Variants in PTPRE observed in about 807,000 individuals in gnomAD.
PTPRE encodes receptor-type tyrosine-protein phosphatase epsilon.
A neutral mutation model predicts 102.0 loss-of-function variants in PTPRE; 51 were observed. The ratio of observed to expected loss-of-function variants is 0.50; its 90% CI spans 0.40 to 0.63. The LOEUF (loss-of-function observed/expected upper bound fraction) is 0.63, where lower values mean the gene tolerates loss of function less well. Ranked by LOEUF, PTPRE falls within the 30% of genes least tolerant of loss-of-function variation. PTPRE has a pLI of 0.00. For synonymous variants in PTPRE, 345 were observed against 348.2 expected (o/e 0.99, Z 0.10); for missense variants, 752 against 915.1 (o/e 0.82, Z 2.30).
chr10:127,934,230 G>A (rs932060602), intron 1 of PTPRE: 66 of 152,134 alleles, frequency 4.3e-4, no homozygotes, highest in Non-Finnish European at 5.9e-5. Flanking sequence ...CACCAACCAT[G>A]TCTGCAGAGG....
At chr10:127,983,691 A>C (rs372288723) in intron 2 of PTPRE, among the ~76,000 whole-genome samples, 1 of 152,310 alleles carries the variant, frequency 6.6e-6, no homozygotes, top group East Asian at 1.9e-4. Flanking sequence ...GGCTCAGATT[A>C]TGATTTGTTA....
chr10:127,913,617 T>C (rs529397559), intron 1 of PTPRE, among the ~76,000 whole-genome samples: 2 of 152,198 alleles, frequency 1.3e-5, no homozygotes, highest in Non-Finnish European at 2.9e-5. Flanking sequence ...ACTGGTTTGC[T>C]GTCCACAGGC....
At chr10:127,943,784 G>A (rs1460046370) in intron 1 of PTPRE, among the ~76,000 whole-genome samples, 1 of 152,190 alleles carries the variant, frequency 6.6e-6, no homozygotes, top group Non-Finnish European at 1.5e-5. Flanking sequence ...GACCTTCCCA[G>A]CCTCACATTT....
intron 1 of PTPRE, among the ~76,000 whole-genome samples, chr10:127,979,141 G>A (rs1018245925): frequency 1.3e-5 from 2 of 152,212 alleles, no homozygotes; most frequent in Non-Finnish European, 1.5e-5. Flanking sequence ...TCCACAGCCC[G>A]AGAAATCTAA....
At chr10:128,042,922 T>C (rs1340376200) in intron 3 of PTPRE, among the ~76,000 whole-genome samples, 1 of 152,258 alleles carries the variant, frequency 6.6e-6, no homozygotes, top group African/African-American at 2.4e-5. Flanking sequence ...TATGTTTCAC[T>C]AATCATGAAA....
chr10:127,992,979 A>AT (rs1412417082), intron 2 of PTPRE, among the ~76,000 whole-genome samples: 3 of 152,238 alleles, frequency 2.0e-5, no homozygotes, highest in Middle Eastern at 3.4e-3. Context: ...GCTGTAGTGC[A>AT]TTTTTTTAAT....
chr10:127,936,309 C>T (rs1457335985), intron 1 of PTPRE: 1 of 152,116 alleles, frequency 6.6e-6, no homozygotes, highest in Non-Finnish European at 1.5e-5. Context: ...TGTCATGTTT[C>T]ATAAATGGGT....
intron 2 of PTPRE, among the ~76,000 whole-genome samples, chr10:127,986,938 A>G (rs1852138414): frequency 6.6e-6 from 1 of 151,788 alleles, no homozygotes; most frequent in African/African-American, 2.4e-5. Context: ...TCTTCTTCTT[A>G]TACTGGGGTT....
chr10:127,962,685 C>T (rs1314572704), intron 1 of PTPRE, among the ~76,000 whole-genome samples: 1 of 152,216 alleles, frequency 6.6e-6, no homozygotes, highest in East Asian at 1.9e-4. Flanking sequence ...CTGTGCCCTC[C>T]CCAACGCCCA....
chr10:128,074,427 A>T (rs1851047184), intron 17 of PTPRE, among the ~76,000 whole-genome samples: 1 of 152,178 alleles, frequency 6.6e-6, no homozygotes, highest in Admixed American at 6.5e-5. Flanking sequence ...GCCCTTTGGG[A>T]GTCCAAGGCG....
chr10:128,048,859 G>T (rs1443756187), intron 5 of PTPRE, among the ~76,000 whole-genome samples: 24 of 152,122 alleles, frequency 1.6e-4, no homozygotes, highest in Admixed American at 1.6e-3. Flanking sequence ...TGTGACAGCT[G>T]GGTTATCATG....
intron 6 of PTPRE, among the ~76,000 whole-genome samples, chr10:128,052,050 G>A (rs1188445968): frequency 6.6e-6 from 1 of 152,052 alleles, no homozygotes; most frequent in East Asian, 1.9e-4. Context: ...TTTTTGTAGA[G>A]ATGGGGTCCC....
intron 1 of PTPRE, among the ~76,000 whole-genome samples, chr10:127,964,562 ATTT>A (rs11317491): frequency 1.4e-5 from 2 of 144,968 alleles, no homozygotes; most frequent in African/African-American, 2.5e-5. Flanking sequence ...TCTTAGTTCC[ATTT>A]TTTTTTTTTT....
In PTPRE at chr10:127,911,380, C is replaced by T. The variant is rs567716089; in HGVS notation, c.-31+4071C>T. 2.2e-4 allele frequency among the ~76,000 whole-genome samples: 33 copies of T among 152,310 alleles called. No individual in the cohort carries two copies. The South Asian group carries it at 5.6e-3, about 26-fold the overall frequency. On this transcript the variant is annotated intron_variant, in intron 1 of 20. Coordinates refer to ENST00000254667, the MANE Select transcript of PTPRE (RefSeq NM_006504.6). ...ACTTGCTGTGCACATTAACCAGGCT[C>T]GTGGCCTGAATTAAACCAGGCTGGG...
chr10:127,916,444 C>T (rs1442893627), intron 1 of PTPRE, among the ~76,000 whole-genome samples: 2 of 152,170 alleles, frequency 1.3e-5, no homozygotes, highest in Non-Finnish European at 2.9e-5. Context: ...CTGAGGCCTC[C>T]CCAGCCATGC....
intron 1 of PTPRE, among the ~76,000 whole-genome samples, chr10:127,946,297 A>G (rs1848614634): frequency 6.6e-6 from 1 of 152,226 alleles, no homozygotes; most frequent in South Asian, 2.1e-4. Flanking sequence ...TTTCACTGAT[A>G]TTGATAACTT....
At chr10:128,000,312 GA>G (rs1290484369) in intron 2 of PTPRE, among the ~76,000 whole-genome samples, 2 of 152,284 alleles carry the variant, frequency 1.3e-5, no homozygotes, top group East Asian at 3.9e-4. Context: ...TAAGCAAACA[GA>G]ACACCCTTAG....
intron 1 of PTPRE, chr10:127,936,031 C>T (rs1348732803): frequency 2.0e-5 from 3 of 152,240 alleles, no homozygotes; most frequent in African/African-American, 4.8e-5. Context: ...GATGCACTCT[C>T]CTTTCACGGC....
chr10:127,919,857 T>C (rs549257257), intron 1 of PTPRE, among the ~76,000 whole-genome samples: 4 of 152,314 alleles, frequency 2.6e-5, no homozygotes, highest in African/African-American at 9.6e-5. Context: ...ACATCCTGAA[T>C]GAATGGGCAG....
Sources: gnomAD v4.1 joint callset for allele counts (sites outside exome capture counted in the v4.1 genomes callset) on GRCh38, gnomAD v4.1.1 for gene constraint, MANE v1.5 for transcripts, NCBI Gene and HGNC (gene_info 2026-07-23, HGNC 2026-07-21) for gene names.